Variants in SLC25A21 observed in about 807,000 individuals in gnomAD.
SLC25A21 encodes the protein solute carrier family 25 member 21.
Under a neutral mutation model 43.8 loss-of-function variants are expected in SLC25A21, and 47 were observed. The ratio of observed to expected loss-of-function variants is 1.07; its 90% CI spans 0.85 to 1.37. SLC25A21 has a LOEUF of 1.37. SLC25A21 is among the 40% of genes most tolerant of loss of function. The probability of loss-of-function intolerance (pLI) is 0.00; values close to 1 mark genes in which losing one functional copy is unlikely to be tolerated. For missense variants in SLC25A21, 352 were observed against 350.2 expected (o/e 1.00, Z -0.04); for synonymous variants, 131 against 121.3 (o/e 1.08, Z -0.52).
chr14:36,895,116 T>C (rs1036731062), intron 1 of SLC25A21, among the ~76,000 whole-genome samples: 3 of 152,240 alleles, frequency 2.0e-5, no homozygotes, highest in African/African-American at 7.2e-5. Flanking sequence ...GAAGGAATGG[T>C]ATCAGCTCCT....
intron 1 of SLC25A21, among the ~76,000 whole-genome samples, chr14:36,998,772 T>C (rs769724833): frequency 1.3e-5 from 2 of 148,760 alleles, no homozygotes; most frequent in Non-Finnish European, 3.0e-5. Flanking sequence ...AAAGAAGATA[T>C]ATGGATGTCA....
intron 1 of SLC25A21, among the ~76,000 whole-genome samples, chr14:37,057,810 C>T (rs1289892969): frequency 6.6e-6 from 1 of 152,138 alleles, no homozygotes; most frequent in Non-Finnish European, 1.5e-5. Flanking sequence ...AGAGCGTTTT[C>T]CCTTTTAACA....
chr14:36,934,102 A>G (rs1892359054), intron 1 of SLC25A21, among the ~76,000 whole-genome samples: 1 of 152,028 alleles, frequency 6.6e-6, no homozygotes. Flanking sequence ...TTAAGTTCCA[A>G]AACAGCGTTT....
intron 5 of SLC25A21, among the ~76,000 whole-genome samples, chr14:36,728,799 T>TTTTGC (rs1248411796): frequency 6.6e-6 from 1 of 152,194 alleles, no homozygotes; most frequent in Non-Finnish European, 1.5e-5. Flanking sequence ...GCAGATTTTG[T>TTTTGC]TTTGCTTTGC....
chr14:36,745,054 T>C (rs1885436945), intron 3 of SLC25A21, among the ~76,000 whole-genome samples: 1 of 149,758 alleles, frequency 6.7e-6, no homozygotes, highest in East Asian at 2.0e-4. Context: ...CCATGTGTTC[T>C]CATTGTTCAA....
chr14:37,058,854 T>TTGCC (rs1376599223), intron 1 of SLC25A21, among the ~76,000 whole-genome samples: 1 of 152,148 alleles, frequency 6.6e-6, no homozygotes, highest in Non-Finnish European at 1.5e-5. Flanking sequence ...ACTTAGAACC[T>TTGCC]TGCTTGGTCT....
chr14:36,897,851 T>C (rs1891288003), intron 1 of SLC25A21, among the ~76,000 whole-genome samples: 1 of 152,160 alleles, frequency 6.6e-6, no homozygotes, highest in Admixed American at 6.5e-5. Flanking sequence ...GAACAGCAGA[T>C]ATGGGTGAAC....
intron 3 of SLC25A21, among the ~76,000 whole-genome samples, chr14:36,790,340 T>C (rs913428368): frequency 6.6e-6 from 1 of 152,092 alleles, no homozygotes; most frequent in Non-Finnish European, 1.5e-5. Flanking sequence ...TGGTGCATTA[T>C]CCTATTTAAA....
At chr14:36,829,690 G>T (rs1888964382) in intron 2 of SLC25A21, among the ~76,000 whole-genome samples, 1 of 136,398 alleles carries the variant, frequency 7.3e-6, no homozygotes. Context: ...GGTTATCCTT[G>T]GGTCAGCTGT....
intron 1 of SLC25A21, among the ~76,000 whole-genome samples, chr14:37,164,147 T>A (rs1749073924): frequency 6.6e-6 from 1 of 152,184 alleles, no homozygotes; most frequent in Non-Finnish European, 1.5e-5. Context: ...TTAAAACATC[T>A]TTCAGGAAGG....
chr14:36,896,842 T>C (rs993240812), intron 1 of SLC25A21, among the ~76,000 whole-genome samples: 2 of 152,204 alleles, frequency 1.3e-5, no homozygotes, highest in Non-Finnish European at 2.9e-5. Flanking sequence ...AAAATTCTTT[T>C]CTTTAAGAAT....
chr14:37,095,818 GCACA>G (rs3061856), intron 1 of SLC25A21, among the ~76,000 whole-genome samples: 24 of 139,646 alleles, frequency 1.7e-4, no homozygotes, highest in South Asian at 1.1e-3. Context: ...ACACGCGCAC[GCACA>G]CACACACACA....
chr14:36,919,323 T>G (rs1398490386), intron 1 of SLC25A21, among the ~76,000 whole-genome samples: 1 of 152,050 alleles, frequency 6.6e-6, no homozygotes, highest in Non-Finnish European at 1.5e-5. Context: ...ACATGATATG[T>G]TGATGGAGTC....
intron 1 of SLC25A21, among the ~76,000 whole-genome samples, chr14:36,973,379 C>T (rs1357251135): frequency 6.6e-6 from 1 of 152,122 alleles, no homozygotes; most frequent in African/African-American, 2.4e-5. Flanking sequence ...AGAAACATAG[C>T]GGAGGCTGCC....
chr14:37,036,142 C>T (rs1406067087), intron 1 of SLC25A21, among the ~76,000 whole-genome samples: 1 of 152,168 alleles, frequency 6.6e-6, no homozygotes, highest in African/African-American at 2.4e-5. Flanking sequence ...AATGATAACA[C>T]TAAATACAAA....
chr14:37,076,323 G>A (rs1962280141), intron 1 of SLC25A21, among the ~76,000 whole-genome samples: 1 of 151,668 alleles, frequency 6.6e-6, no homozygotes, highest in African/African-American at 2.4e-5. Context: ...ACCAGGCCCA[G>A]CGAATTTTTG....
chr14:36,998,422 G>C (rs777413593), intron 1 of SLC25A21, among the ~76,000 whole-genome samples: 3 of 152,104 alleles, frequency 2.0e-5, no homozygotes, highest in Non-Finnish European at 4.4e-5. Flanking sequence ...TCTACCTCAT[G>C]AATCATGAGG....
chr14:37,016,991 A>T (rs934968678), intron 1 of SLC25A21, among the ~76,000 whole-genome samples: 5 of 152,004 alleles, frequency 3.3e-5, no homozygotes, highest in Admixed American at 2.6e-4. Flanking sequence ...GGCTCGTTTG[A>T]TCTTCTATCC....
chr14:36,901,774 G>T (rs982058213), intron 1 of SLC25A21, among the ~76,000 whole-genome samples: 1 of 151,950 alleles, frequency 6.6e-6, no homozygotes, highest in African/African-American at 2.4e-5. Context: ...GATATAGAAA[G>T]GCAAAATAAA....
Sources: allele counts gnomAD v4.1 joint callset (sites outside exome capture counted in the v4.1 genomes callset), GRCh38; gene constraint gnomAD v4.1.1; transcripts MANE v1.5; gene names NCBI Gene and HGNC (gene_info 2026-07-23, HGNC 2026-07-21).